Variants in IPPK observed in about 807,000 individuals in gnomAD.
IPPK encodes IPK1 homolog.
Under a neutral mutation model 64.6 loss-of-function variants are expected in IPPK, and 22 were observed. The observed-to-expected ratio is 0.34, with a 90% CI of 0.24 to 0.49. The LOEUF is 0.49. Among genes scored for constraint, IPPK ranks in the 20% least tolerant of loss-of-function variants. The pLI is 0.99. For synonymous variants in IPPK, 262 were observed against 247.2 expected (o/e 1.06, Z -0.56); for missense variants, 532 against 630.7 (o/e 0.84, Z 1.68).
intron 7 of IPPK, among the ~76,000 whole-genome samples, chr9:92,642,542 A>G (rs2277167): frequency 0.04 from 6,040 of 152,346 alleles, 184 homozygotes; most frequent in South Asian, 0.11. Context: ...AAAAGTGAGC[A>G]AGCACGTCAA....
At chr9:92,644,451 T>G (rs1421376592) in intron 6 of IPPK, among the ~76,000 whole-genome samples, 1 of 152,186 alleles carries the variant, frequency 6.6e-6, no homozygotes, top group Admixed American at 6.5e-5. Context: ...AGCCTCGTTC[T>G]CAGACAATCA....
At position 92,626,612 on chromosome 9, in the gene IPPK, C is replaced by A. The variant is rs531043561; in HGVS notation, c.1171-7047G>T. ...GTTTGACATAGGTCAAATTAGAGTC[C>A]CAGAAGAAGTGAATATGATAATGGA... On this transcript the variant is annotated intron_variant, in intron 11 of 12. Transcript: ENST00000287996. 9.9e-5 allele frequency among the ~76,000 whole-genome samples: 15 copies of A among 151,864 alleles called. 2 individuals carry two copies. In the East Asian group the frequency reaches 2.9e-3, roughly 29 times the overall value.
intron 7 of IPPK, among the ~76,000 whole-genome samples, chr9:92,641,815 G>A (rs1263386304): frequency 6.6e-6 from 1 of 152,194 alleles, no homozygotes; most frequent in South Asian, 2.1e-4. Flanking sequence ...CTGGAGGACA[G>A]CAGGGGAAGA....
intron 1 of IPPK, among the ~76,000 whole-genome samples, chr9:92,664,128 G>T (rs1852545113): frequency 6.6e-6 from 1 of 152,212 alleles, no homozygotes; most frequent in African/African-American, 2.4e-5. Context: ...CAGTCACCAG[G>T]GGCAGGAGGT....
chr9:92,624,805 T>C (rs556496704), intron 11 of IPPK, among the ~76,000 whole-genome samples: 17 of 152,184 alleles, frequency 1.1e-4, no homozygotes, highest in East Asian at 9.7e-4. Context: ...TATCCATTCA[T>C]GGATCACTCT....
rs1851980504 is a variant in IPPK at position 92,638,181 on chromosome 9, C to T, written c.736G>A (p.Gly246Ser). Residue 246 changes from glycine to serine, a missense_variant, in exon 9 of 13, where the codon GGC (glycine) becomes AGC (serine). Coordinates refer to ENST00000287996, the MANE Select transcript of IPPK (RefSeq NM_022755.6). ...GTGCAGTGGGGCCCACTGGCCAGGC[C>T]GTTGGAAGGGAAGAAGAACGGCTTC... Reference protein sequence around the residue: ...HLKPFFFPSNGLASGPHCTRA... With the variant: ...HLKPFFFPSNSLASGPHCTRA... 9 of 1,614,204 alleles carry T rather than the reference C, an allele frequency of 5.6e-6. No individual in the cohort carries two copies. The highest frequency in any genetic ancestry group is 7.6e-6 in the Non-Finnish European group (9 of 1,180,028).
intron 1 of IPPK, among the ~76,000 whole-genome samples, chr9:92,668,783 CTG>C (rs1361597498): frequency 6.6e-6 from 1 of 152,170 alleles, no homozygotes; most frequent in Non-Finnish European, 1.5e-5. Context: ...CTTTAGTTCC[CTG>C]TGCTAATGAG....
intron 8 of IPPK, among the ~76,000 whole-genome samples, chr9:92,638,677 C>T (rs1029650241): frequency 4.3e-4 from 65 of 152,372 alleles, no homozygotes; most frequent in African/African-American, 1.5e-3. Flanking sequence ...AGCAGACAAA[C>T]GTGAGGATGG....
chr9:92,663,031 G>A (rs72756442), intron 1 of IPPK, among the ~76,000 whole-genome samples: 6,035 of 152,204 alleles, frequency 0.04, 183 homozygotes, highest in South Asian at 0.11. Context: ...CTGGGAACAC[G>A]TGAGCACCCT....
chr9:92,652,315 GGTAGGCGCCT>G (rs946947908), intron 4 of IPPK, among the ~76,000 whole-genome samples: 3 of 152,146 alleles, frequency 2.0e-5, no homozygotes, highest in Middle Eastern at 3.4e-3. Flanking sequence ...CGAGCATGGT[GGTAGGCGCCT>G]GTAGTCCCAG....
intron 11 of IPPK, among the ~76,000 whole-genome samples, chr9:92,623,389 G>A (rs1182192226): frequency 4.6e-5 from 7 of 150,564 alleles, no homozygotes; most frequent in Admixed American, 1.3e-4. Flanking sequence ...AGCCAAGATC[G>A]CGCCACTGCA....
intron 3 of IPPK, 57 bp from the exon 4 acceptor site, chr9:92,652,696 G>T: frequency 1.1e-6 from 1 of 879,500 alleles, no homozygotes; most frequent in Non-Finnish European, 1.8e-6. Flanking sequence ...TGAACACAAT[G>T]CCACAGAACT....
At position 92,664,635 on chromosome 9, in the gene IPPK, C is replaced by T. The variant is rs917931099; in HGVS notation, c.81+5273G>A. Among the ~76,000 whole-genome samples, 6 of 152,204 alleles carry T rather than the reference C, an allele frequency of 3.9e-5. No individual in the cohort carries two copies. The South Asian group carries it at 1.2e-3, about 31-fold the overall frequency. ...ACCCCTATAGGCATGGAAAGCCTCA[C>T]TGCCTGTAAAGGGGAAGCAGGGCTG... On this transcript the variant is annotated intron_variant, in intron 1 of 12. Transcript: ENST00000287996.
Position 92,649,592 on chromosome 9 carries a change from G to A in IPPK, c.293-18C>T, listed in dbSNP as rs749485962. 4.3e-6 allele frequency: 7 copies of A among 1,613,380 alleles called. No homozygotes were observed. The highest frequency in any genetic ancestry group is 5.9e-6 in the Non-Finnish European group (7 of 1,179,668). On this transcript the variant is annotated intron_variant, in intron 4 of 12. Transcript: ENST00000287996. ...GCGAGACTCTGGAAAACAGAGCAAG[G>A]GTCACACAGAGCAAGGTCAGTGAGA...
chr9:92,645,845 C>A (rs1852140469), intron 6 of IPPK, among the ~76,000 whole-genome samples: 1 of 151,768 alleles, frequency 6.6e-6, no homozygotes, highest in South Asian at 2.1e-4. Context: ...GAAAACCTAC[C>A]CTACAAGAAT....
intron 11 of IPPK, among the ~76,000 whole-genome samples, chr9:92,632,264 G>A (rs187187947): frequency 3.9e-5 from 6 of 152,300 alleles, no homozygotes; most frequent in East Asian, 3.9e-4. Flanking sequence ...GGGTAATTGC[G>A]TGTTTAGTGT....
At chr9:92,621,737 G>A (rs1250649953) in intron 11 of IPPK, among the ~76,000 whole-genome samples, 1 of 152,018 alleles carries the variant, frequency 6.6e-6, no homozygotes, top group Non-Finnish European at 1.5e-5. Flanking sequence ...GGCTGGTCTT[G>A]AACTCCTGAG....
intron 5 of IPPK, 79 bp downstream of exon 5, chr9:92,649,374 A>G: frequency 1.3e-6 from 2 of 1,557,068 alleles, no homozygotes; most frequent in South Asian, 2.3e-5. Flanking sequence ...ACTGGAACCC[A>G]AGGCACGTGA....
At chr9:92,662,608 T>C (rs1287517009) in intron 1 of IPPK, among the ~76,000 whole-genome samples, 1 of 151,964 alleles carries the variant, frequency 6.6e-6, no homozygotes, top group South Asian at 2.1e-4. Flanking sequence ...GGGTGTTTCT[T>C]AACAAAAGCA....
Sources: allele counts gnomAD v4.1 joint callset (sites outside exome capture counted in the v4.1 genomes callset), GRCh38; gene constraint gnomAD v4.1.1; transcripts MANE v1.5; gene names NCBI Gene and HGNC (gene_info 2026-07-23, HGNC 2026-07-21).